ZNF536: variants seen among roughly 807,000 people sequenced by gnomAD.
ZNF536 encodes the protein zinc finger protein 536.
A neutral mutation model predicts 84.5 loss-of-function variants in ZNF536; 13 were observed. That is an observed-to-expected ratio of 0.15 (90% confidence interval 0.10 to 0.24). ZNF536 has a LOEUF of 0.24. Ranked by LOEUF, ZNF536 falls within the 10% of genes least tolerant of loss-of-function variation. The probability of loss-of-function intolerance (pLI) is 1.00; values close to 1 mark genes in which losing one functional copy is unlikely to be tolerated. For missense variants in ZNF536, 1,536 were observed against 1,747.5 expected, an observed-to-expected ratio of 0.88 and a Z score of 2.16; for synonymous variants, 811 against 742.5, an observed-to-expected ratio of 1.09 and a Z score of -1.50.
At chr19:30,439,624 A>G (rs991786147) in intron 1 of ZNF536, among the ~76,000 whole-genome samples, 3 of 152,196 alleles carry the variant, frequency 2.0e-5, no homozygotes, top group African/African-American at 7.2e-5. Flanking sequence ...GAGGAATCAC[A>G]GAGGATTCTA....
chr19:30,602,777 C>T (rs996548232), intron 1 of ZNF536, among the ~76,000 whole-genome samples: 10 of 152,216 alleles, frequency 6.6e-5, no homozygotes, highest in African/African-American at 1.7e-4. Flanking sequence ...TGTGCAAAGG[C>T]GGAGAGGTGT....
chr19:30,686,389 C>T (rs1000778841), intron 1 of ZNF536, among the ~76,000 whole-genome samples: 32 of 152,200 alleles, frequency 2.1e-4, no homozygotes, highest in Admixed American at 3.3e-4. Context: ...CCAGATGGAG[C>T]CGCGGGCATC....
At chr19:30,407,951 T>TC (rs781138377) in intron 1 of ZNF536, among the ~76,000 whole-genome samples, 2 of 152,086 alleles carry the variant, frequency 1.3e-5, no homozygotes, top group Non-Finnish European at 2.9e-5. Flanking sequence ...TGGGGTTTCC[T>TC]TTGTTGAGAG....
At chr19:30,350,149 T>C (rs993421254) in intron 2 of ZNF536, among the ~76,000 whole-genome samples, 1 of 152,222 alleles carries the variant, frequency 6.6e-6, no homozygotes, top group Non-Finnish European at 1.5e-5. Context: ...AGACTTGTTA[T>C]AAAAGTGTTG....
At chr19:30,288,053 A>T (rs1250822191) in intron 2 of ZNF536, among the ~76,000 whole-genome samples, 1 of 152,230 alleles carries the variant, frequency 6.6e-6, no homozygotes, top group East Asian at 1.9e-4. Flanking sequence ...TATGTCTAGA[A>T]CTGTGCTAGG....
At chr19:30,305,313 G>A (rs777645777) in intron 2 of ZNF536, among the ~76,000 whole-genome samples, 8 of 152,124 alleles carry the variant, frequency 5.3e-5, no homozygotes, top group Non-Finnish European at 1.5e-5. Context: ...TAGTGTCCTC[G>A]CTTGACCCTC....
rs189002841 is a variant in ZNF536, at chr19:30,311,182, G to A, written c.-120+27041G>A. ...CTCTGTGCTTCCTGGGGCTGTGTCT[G>A]TCTTTCCTAATGCTCTGGGCAGAGG... On this transcript the variant is annotated intron_variant, in intron 2 of 5. Coordinates refer to the ZNF536 transcript ENST00000585628. Among the ~76,000 whole-genome samples, 845 of 152,288 alleles carry A rather than the reference G, an allele frequency of 5.5e-3. 4 individuals carry two copies. The highest frequency in any genetic ancestry group is 9.0e-3 in the Non-Finnish European group (609 of 68,012).
At chr19:30,368,217 C>G (rs1448653743), upstream of ZNF536, among the ~76,000 whole-genome samples, 1 of 152,234 alleles carries the variant, frequency 6.6e-6, no homozygotes, top group Non-Finnish European at 1.5e-5. Context: ...TTGATTGAAA[C>G]GTGGTGGGGT....
intron 1 of ZNF536, among the ~76,000 whole-genome samples, chr19:30,259,112 A>G (rs760483793): frequency 7.9e-5 from 12 of 152,258 alleles, no homozygotes; most frequent in Middle Eastern, 3.4e-3. Context: ...GCCTGTAGCA[A>G]CTCAACCCCC....
chr19:30,328,155 G>A (rs929923331), intron 2 of ZNF536, among the ~76,000 whole-genome samples: 1 of 152,212 alleles, frequency 6.6e-6, no homozygotes, highest in Non-Finnish European at 1.5e-5. Flanking sequence ...GAACATGAAG[G>A]TGCCTTGTGT....
At chr19:30,264,339 G>A (rs1230726649) in intron 1 of ZNF536, among the ~76,000 whole-genome samples, 1 of 152,030 alleles carries the variant, frequency 6.6e-6, no homozygotes, top group African/African-American at 2.4e-5. Context: ...TGTGGGGGAG[G>A]GGGTTTCACA....
At chr19:30,631,929 C>G (rs1310562114) in intron 1 of ZNF536, among the ~76,000 whole-genome samples, 2 of 152,330 alleles carry the variant, frequency 1.3e-5, no homozygotes, top group East Asian at 3.9e-4. Context: ...TGCGGACTCA[C>G]TGCACCAAGA....
chr19:30,386,417 C>A (rs183902148), intron 1 of ZNF536, among the ~76,000 whole-genome samples: 1 of 152,196 alleles, frequency 6.6e-6, no homozygotes, highest in Non-Finnish European at 1.5e-5. Context: ...CACTCTGTCA[C>A]CCAGGCTGGA....
chr19:30,416,316 A>G (rs1257308711), intron 1 of ZNF536, among the ~76,000 whole-genome samples: 1 of 119,598 alleles, frequency 8.4e-6, no homozygotes, highest in African/African-American at 3.3e-5. Context: ...TTTTTGGTAC[A>G]TCTTGGTTCT....
intron 1 of ZNF536, among the ~76,000 whole-genome samples, chr19:30,699,615 T>A (rs911525955): frequency 1.2e-4 from 18 of 152,186 alleles, no homozygotes; most frequent in African/African-American, 2.2e-4. Flanking sequence ...GAAATTTTTT[T>A]AAACTATATG....
At chr19:30,700,197 TTTCCTTC>T (rs148053222) in intron 1 of ZNF536, among the ~76,000 whole-genome samples, 24 of 131,702 alleles carry the variant, frequency 1.8e-4, no homozygotes, top group African/African-American at 3.5e-4. Flanking sequence ...TCCTTCTTTC[TTTCCTTC>T]TTTCTTTCCT....
chr19:30,549,829 C>A (rs1469736659), intron 4 of ZNF536, among the ~76,000 whole-genome samples: 1 of 152,032 alleles, frequency 6.6e-6, no homozygotes, highest in Non-Finnish European at 1.5e-5. Flanking sequence ...GGGGGAAAAT[C>A]GACTTACAAA....
chr19:30,295,735 A>G (rs1007845931), intron 2 of ZNF536, among the ~76,000 whole-genome samples: 1 of 152,198 alleles, frequency 6.6e-6, no homozygotes, highest in South Asian at 2.1e-4. Context: ...CACTTGAAAA[A>G]AATGTGGGTA....
At chr19:30,687,712 G>T (rs191550988) in intron 1 of ZNF536, among the ~76,000 whole-genome samples, 3 of 152,174 alleles carry the variant, frequency 2.0e-5, no homozygotes, top group Admixed American at 1.3e-4. Flanking sequence ...GAAAGGCATT[G>T]CAGCTTAGGA....
Sources: gnomAD v4.1 joint callset for allele counts (sites outside exome capture counted in the v4.1 genomes callset) on GRCh38, gnomAD v4.1.1 for gene constraint, MANE v1.5 for transcripts, NCBI Gene and HGNC (gene_info 2026-07-23, HGNC 2026-07-21) for gene names.